Variants in RIC8A observed in about 807,000 individuals in gnomAD.
The protein encoded by RIC8A is RIC8 guanine nucleotide exchange factor A, also known as chaperone Ric-8A.
A neutral mutation model predicts 48.4 loss-of-function variants in RIC8A; 37 were observed. The ratio of observed to expected loss-of-function variants is 0.77; its 90% CI spans 0.59 to 1.01. The LOEUF (loss-of-function observed/expected upper bound fraction) is 1.01, where lower values mean the gene tolerates loss of function less well. RIC8A is among the 50% of genes least tolerant of loss of function. RIC8A has a pLI of 0.00. For synonymous variants in RIC8A, 288 were observed against 283.4 expected, an observed-to-expected ratio of 1.02 and a Z score of -0.16; for missense variants, 681 against 696.8, an observed-to-expected ratio of 0.98 and a Z score of 0.25.
chr11:210,472 AT>A, intron 3 of RIC8A, 98 bp from the exon 4 acceptor site: 1 of 1,130,024 alleles, frequency 8.8e-7, no homozygotes, highest in South Asian at 1.2e-5. Flanking sequence ...GTGCACAGTC[AT>A]TGCCACACAG....
intron 5 of RIC8A, 113 bp from the exon 6 acceptor site, chr11:212,303 G>A (rs758773368): frequency 3.9e-5 from 42 of 1,076,592 alleles, no homozygotes; most frequent in Middle Eastern, 2.8e-4. Flanking sequence ...AACCTCTGCC[G>A]CCAGGACCAG....
intron 9 of RIC8A, 132 bp from the exon 10 acceptor site, chr11:214,098 G>A (rs946613478): frequency 2.8e-6 from 3 of 1,064,664 alleles, no homozygotes; most frequent in South Asian, 3.2e-5. Flanking sequence ...TTAACAGAAG[G>A]TCCAACCAGG....
chr11:213,514 GCTTAGGAT>G, intron 9 of RIC8A, 96 bp downstream of exon 9: 1 of 1,492,738 alleles, frequency 6.7e-7, no homozygotes, highest in Non-Finnish European at 9.0e-7. Flanking sequence ...TCAGAGGAGA[GCTTAGGAT>G]CCTGGTATTA....
Position 211,073 on chromosome 11 carries a change from C to A in RIC8A, c.819-126C>A. 9.6e-7 allele frequency: 1 copy of A among 1,045,760 alleles called. No homozygotes were observed. Among genetic ancestry groups the A allele is most frequent in the Non-Finnish European group, 1.4e-6 (1 of 717,010 alleles). 64.8% of individuals were successfully genotyped at this position (1,045,760 alleles called of 1,614,324 possible). ...ATCAGTCCCTGCCCTTGGCTTTGGT[C>A]CCTAGCGCTGCCCCTTTGGGACTCA... On this transcript the variant is annotated intron_variant, in intron 4 of 9. Transcript: ENST00000526104. The surrounding 1 kb of genome is among the most constrained non-coding windows in gnomAD (Gnocchi z 4.0).
In RIC8A at chr11:214,369, T is replaced by C; in HGVS notation, c.*19T>C. On this transcript the variant is annotated 3_prime_UTR_variant, in exon 10 of 10. Transcript: ENST00000526104. ...TGACTGAGGATGGCAGCTCTTCTGC[T>C]CCCCCATCAGGACTGGTGCTGCTTC... 6.4e-7 allele frequency: 1 copy of C among 1,573,840 alleles called. No individual in the cohort carries two copies. Among genetic ancestry groups the C allele is most frequent in the Non-Finnish European group, 8.6e-7 (1 of 1,158,814 alleles).
rs1855398071 is a variant in RIC8A at position 212,831 on chromosome 11, C to T, written c.1211-6C>T. 1 of 1,605,546 alleles carries T rather than the reference C, an allele frequency of 6.2e-7. No homozygotes were observed. The highest frequency in any genetic ancestry group is 8.5e-7 in the Non-Finnish European group (1 of 1,175,026). On this transcript the variant is annotated splice_region_variant and splice_polypyrimidine_tract_variant and intron_variant, in intron 7 of 9. Coordinates refer to ENST00000526104, the MANE Select transcript of RIC8A (RefSeq NM_001286134.2). ...CTTGCACACTGACCTCTGCCTTGCCCCTCAGTGCCCCGATTCATCAAGTAC... is the reference window on the plus strand; with the variant it reads ...CTTGCACACTGACCTCTGCCTTGCCTCTCAGTGCCCCGATTCATCAAGTAC...
Position 212,716 on chromosome 11 carries a change from G to A in RIC8A, c.1167G>A (p.Lys389=). Residue 389 remains lysine (K), a synonymous_variant, in exon 7 of 10, where the codon AAG becomes AAA. Transcript: ENST00000526104. ...TGACACACCTGGACACAGATGTGAA[G>A]AGGGTGGCTGCCGAGTTCTTGTTTG... ...RLMTHLDTDV[K]RVAAEFLFVL... 5.6e-6 allele frequency: 9 copies of A among 1,614,102 alleles called. No individual in the cohort carries two copies. The highest frequency in any genetic ancestry group is 7.6e-6 in the Non-Finnish European group (9 of 1,180,028).
chr11:213,476 C>G (rs150362413), intron 9 of RIC8A, 58 bp downstream of exon 9: 5 of 1,547,310 alleles, frequency 3.2e-6, no homozygotes, highest in East Asian at 4.9e-5. Flanking sequence ...TGACCCACAT[C>G]CTGTCTTGTG....
rs1361097318 is a variant in RIC8A at position 208,826 on chromosome 11, A to G, written c.-29A>G. 1.3e-6 allele frequency: 2 copies of G among 1,585,858 alleles called. No individual in the cohort carries two copies. The highest frequency in any genetic ancestry group is 1.1e-5 in the South Asian group (1 of 88,806). ...AACTGCGGCCCGGAACGGCTGAGGA[A>G]GGGCCCGTCCCGCCTTCCCCGGCGC... is the stretch of plus-strand genomic sequence containing the variant. On this transcript the variant is annotated 5_prime_UTR_variant, in exon 1 of 10. Coordinates refer to ENST00000526104, the MANE Select transcript of RIC8A (RefSeq NM_001286134.2). This position sits in a 1 kb window ranked among gnomAD's most constrained non-coding sequence, Gnocchi z 4.8.
In RIC8A at chr11:211,067, T is replaced by C. The variant is rs577036367; in HGVS notation, c.819-132T>C. On this transcript the variant is annotated intron_variant, in intron 4 of 9. Coordinates refer to ENST00000526104, the MANE Select transcript of RIC8A (RefSeq NM_001286134.2). This position sits in a 1 kb window ranked among gnomAD's most constrained non-coding sequence, Gnocchi z 4.0. The stretch of plus-strand genomic sequence containing the variant: ...TCTCAGATCAGTCCCTGCCCTTGGC[T>C]TTGGTCCCTAGCGCTGCCCCTTTGG... 8.3e-6 allele frequency: 8 copies of C among 965,108 alleles called. No homozygotes were observed. In the East Asian group the frequency reaches 2.1e-4, roughly 25 times the overall value. 59.8% of individuals were successfully genotyped at this position (965,108 alleles called of 1,614,324 possible).
At position 211,240 on chromosome 11, in the gene RIC8A, T is replaced by C. The variant is rs139988050; in HGVS notation, c.860T>C (p.Leu287Pro). The change falls in exon 5 of 10, where the codon CTG becomes CCG. Residue 287 changes from leucine (L) to proline (P), a missense_variant. Physicochemically the swap from Leu to Pro is moderately conservative, Grantham distance 98. Coordinates refer to ENST00000526104, the MANE Select transcript of RIC8A (RefSeq NM_001286134.2). The surrounding 1 kb of genome is among the most constrained non-coding windows in gnomAD (Gnocchi z 4.0). ...NLLGNLPLKC[L>P]DVLLTLEPHG... The stretch of plus-strand genomic sequence containing the variant: ...CTGGGGAACTTGCCCCTCAAGTGTC[T>C]GGATGTTCTCCTCACCCTGGAGCCA... 1.1e-4 allele frequency: 171 copies of C among 1,614,002 alleles called. No individual in the cohort carries two copies. The highest frequency in any genetic ancestry group is 1.3e-4 in the Non-Finnish European group (155 of 1,179,982).
intron 9 of RIC8A, chr11:213,648 T>C: frequency 2.0e-6 from 1 of 498,828 alleles, no homozygotes; most frequent in East Asian, 4.1e-5. Context: ...CCAGAGAAAT[T>C]AAGAGACTGT....
chr11:210,998 C>T (rs1426141450), intron 4 of RIC8A: 3 of 616,636 alleles, frequency 4.9e-6, no homozygotes, highest in Non-Finnish European at 8.5e-6. Context: ...CTCAGTGCCC[C>T]CACTTCCCCA....
chr11:209,058 G>A, intron 1 of RIC8A, 120 bp downstream of exon 1: 1 of 1,060,362 alleles, frequency 9.4e-7, no homozygotes, highest in Admixed American at 1.9e-5. Context: ...GGGACGCGGC[G>A]GGGTGCGGGG....
chr11:214,836 A>C lies in RIC8A; in HGVS notation c.*486A>C, dbSNP rs1213309861. 1 of 308,372 alleles carries C rather than the reference A, an allele frequency of 3.2e-6. No individual in the cohort carries two copies. The highest frequency in any genetic ancestry group is 6.3e-6 in the Non-Finnish European group (1 of 159,080). The allele number at this position is 308,372 out of a possible 1,614,324, so 19.1% of individuals were successfully genotyped here. Reference sequence around the variant, plus strand: ...GAGTATATCAGAACACACCCTTCCAAGGTATGTATGCTCTGTTGTTCCTGT... The same window carrying C: ...GAGTATATCAGAACACACCCTTCCACGGTATGTATGCTCTGTTGTTCCTGT... On this transcript the variant is annotated 3_prime_UTR_variant, in exon 10 of 10. Transcript: ENST00000526104.
chr11:212,517 AGGCTGAGGAGCTG>A lies in RIC8A; in HGVS notation c.1065+8_1065+20del. The A allele has an allele frequency of 6.2e-7, 1 of 1,613,558 alleles. No homozygotes were observed. The highest frequency in any genetic ancestry group is 8.5e-7 in the Non-Finnish European group (1 of 1,179,776). On this transcript the variant is annotated splice_region_variant and intron_variant, in intron 6 of 9. Coordinates refer to ENST00000526104, the MANE Select transcript of RIC8A (RefSeq NM_001286134.2). ...GGAAGTTCCTGAAGGCCCAGGTATA[AGGCTGAGGAGCTG>A]GTGCTCCTGGGGGATGTGGTTTCGG...
Position 208,430 on chromosome 11 carries a change from C to G in RIC8A, c.-425C>G, listed in dbSNP as rs534734390. The G allele has an allele frequency of 6.3e-6, 1 of 159,786 alleles. No homozygotes were observed. Among genetic ancestry groups the G allele is most frequent in the Non-Finnish European group, 1.4e-5 (1 of 73,064 alleles). 9.9% of individuals were successfully genotyped at this position (159,786 alleles called of 1,614,324 possible). On this transcript the variant is annotated 5_prime_UTR_variant, in exon 1 of 10. Transcript: ENST00000526104. This position sits in a 1 kb window ranked among gnomAD's most constrained non-coding sequence, Gnocchi z 4.8. ...CCTGCATTCCCCAGCAAACGCCTAA[C>G]GAACCCAATGGCCCAGGACTGAAAA...
chr11:213,078 A>T (rs1019604374), intron 8 of RIC8A, 97 bp downstream of exon 8: 3 of 1,454,110 alleles, frequency 2.1e-6, no homozygotes, highest in Admixed American at 2.6e-5. Context: ...ACAGGATGAC[A>T]AATGGGCAAG....
At chr11:214,027 T>C (rs1467005355) in intron 9 of RIC8A, among the ~76,000 whole-genome samples, 2 of 152,098 alleles carry the variant, frequency 1.3e-5, no homozygotes, top group Admixed American at 6.5e-5. Flanking sequence ...AAGGCCAATT[T>C]AGATGTTTAA....
Sources: allele counts gnomAD v4.1 joint callset (sites outside exome capture counted in the v4.1 genomes callset), GRCh38; gene constraint gnomAD v4.1.1; non-coding constraint Gnocchi (gnomAD v3.1); transcripts MANE v1.5; gene names NCBI Gene and HGNC (gene_info 2026-07-23, HGNC 2026-07-21).